Variants in DMD observed in about 807,000 individuals in gnomAD.
The protein encoded by DMD is dystrophin, also known as mutant dystrophin.
Under a neutral mutation model 330.1 loss-of-function variants are expected in DMD, and 63 were observed. The ratio of observed to expected loss-of-function variants is 0.19; its 90% CI spans 0.16 to 0.24. The LOEUF (loss-of-function observed/expected upper bound fraction) is 0.24. Ranked by LOEUF, DMD falls within the 10% of genes least tolerant of loss-of-function variation. DMD has a pLI of 1.00. For synonymous variants in DMD, 1,223 were observed against 959.8 expected, an observed-to-expected ratio of 1.27 and a Z score of -5.07; for missense variants, 3,344 against 2,684.1, an observed-to-expected ratio of 1.25 and a Z score of -5.43.
intron 63 of DMD, among the ~76,000 whole-genome samples, chrX:31,227,495 C>G (rs1178190199): frequency 8.9e-6 from 1 of 111,943 alleles, no homozygotes; most frequent in Admixed American, 9.5e-5. Context: ...AATCCATTCT[C>G]AAACAGTGAT....
intron 17 of DMD, among the ~76,000 whole-genome samples, chrX:32,531,837 C>T (rs778237167): frequency 2.4e-4 from 27 of 111,305 alleles, no homozygotes; most frequent in South Asian, 7.5e-4. Context: ...GTTTTGACTA[C>T]GCTATCTTGG....
In DMD at chrX:31,845,375, G is replaced by GTCTCTCTCTCTCTCTCTCTCTC. The variant is rs535397626; in HGVS notation, c.7099-8578_7099-8557dup. Among the ~76,000 whole-genome samples, 19 of 60,115 alleles carry GTCTCTCTCTCTCTCTCTCTCTC rather than the reference G, an allele frequency of 3.2e-4. 2 individuals carry two copies. Among genetic ancestry groups the GTCTCTCTCTCTCTCTCTCTCTC allele is most frequent in the Admixed American group, 5.3e-4 (2 of 3,786 alleles). 52.2% of individuals were successfully genotyped at this position (60,115 alleles called of 115,157 possible). Reference sequence around the variant, plus strand: ...CAGGTGTTATAGAGGACAGAATAAAGTCTCTCTCTCTCTCTCTCTCTCTCT... The same window carrying GTCTCTCTCTCTCTCTCTCTCTC: ...CAGGTGTTATAGAGGACAGAATAAAGTCTCTCTCTCTCTCTCTCTCTCTCTCTCTCTCTCTCTCTCTCTCTCT... On this transcript the variant is annotated intron_variant, in intron 48 of 78. Coordinates refer to ENST00000357033, the MANE Select transcript of DMD (RefSeq NM_004006.3).
chrX:33,029,749 C>T (rs749069549), intron 1 of DMD, among the ~76,000 whole-genome samples: 2 of 111,914 alleles, frequency 1.8e-5, no homozygotes, highest in African/African-American at 3.2e-5. Flanking sequence ...AAGAATTAAT[C>T]GAAGTTGCAT....
chrX:31,570,776 T>C (rs575383886), intron 55 of DMD, among the ~76,000 whole-genome samples: 54 of 111,899 alleles, frequency 4.8e-4, no homozygotes, highest in African/African-American at 1.6e-3. Context: ...CATATATTTC[T>C]ATGGATACAA....
At chrX:32,732,575 C>T (rs187577296) in intron 7 of DMD, among the ~76,000 whole-genome samples, 1 of 111,337 alleles carries the variant, frequency 9.0e-6, no homozygotes, top group South Asian at 3.8e-4. Flanking sequence ...CGGCAGACAC[C>T]CTACAAGCCA....
chrX:31,786,408 TAA>T (rs1319660893), intron 50 of DMD, among the ~76,000 whole-genome samples: 1 of 111,902 alleles, frequency 8.9e-6, no homozygotes, highest in Non-Finnish European at 1.9e-5. Context: ...TAAGGAGATT[TAA>T]AAGAGATTTT....
At chrX:32,511,401 A>T (rs182833949) in intron 18 of DMD, among the ~76,000 whole-genome samples, 7 of 107,906 alleles carry the variant, frequency 6.5e-5, no homozygotes, top group Non-Finnish European at 1.3e-4. Context: ...ACGTGCCTGT[A>T]GTCCCAGCTA....
intron 55 of DMD, among the ~76,000 whole-genome samples, chrX:31,585,076 C>A (rs2076526248): frequency 9.1e-6 from 1 of 110,331 alleles, no homozygotes; most frequent in African/African-American, 3.3e-5. Context: ...AATCCCAGCA[C>A]TTTGGGAGGC....
chrX:32,767,597 G>T (rs1206212870), intron 7 of DMD, among the ~76,000 whole-genome samples: 1 of 111,529 alleles, frequency 9.0e-6, no homozygotes, highest in African/African-American at 3.2e-5. Context: ...TTGTAATGAG[G>T]TGGGTTTTTT....
chrX:32,757,614 A>C (rs2071668871), intron 7 of DMD, among the ~76,000 whole-genome samples: 1 of 110,635 alleles, frequency 9.0e-6, no homozygotes, highest in African/African-American at 3.3e-5. Context: ...TTATACAAGA[A>C]AGTTTCCCGG....
chrX:33,065,417 T>G (rs2094638850), intron 1 of DMD, among the ~76,000 whole-genome samples: 2 of 112,618 alleles, frequency 1.8e-5, no homozygotes, highest in Admixed American at 1.9e-4. Flanking sequence ...GAAACAATTA[T>G]CAGTTTGATT....
At chrX:32,571,746 T>C (rs1241405956) in intron 15 of DMD, among the ~76,000 whole-genome samples, 1 of 111,794 alleles carries the variant, frequency 8.9e-6, no homozygotes, top group East Asian at 2.8e-4. Flanking sequence ...TCCTCTTCTA[T>C]TCTCCTGTTA....
At chrX:31,951,134 T>C (rs868631496) in intron 45 of DMD, among the ~76,000 whole-genome samples, 5 of 75,887 alleles carry the variant, frequency 6.6e-5, no homozygotes, top group South Asian at 5.0e-4. Flanking sequence ...TATATATATA[T>C]ATATATGTGT....
intron 1 of DMD, among the ~76,000 whole-genome samples, chrX:33,322,428 C>T (rs1252105444): frequency 9.0e-6 from 1 of 110,633 alleles, no homozygotes; most frequent in East Asian, 2.9e-4. Flanking sequence ...TCAGAACACA[C>T]ACAACATTGA....
intron 9 of DMD, among the ~76,000 whole-genome samples, chrX:32,688,104 G>A (rs973241715): frequency 1.8e-5 from 2 of 111,587 alleles, no homozygotes; most frequent in African/African-American, 6.5e-5. Context: ...CAAATAAGCC[G>A]CCCTGACCTG....
intron 2 of DMD, among the ~76,000 whole-genome samples, chrX:32,949,340 AGG>A (rs2091053826): frequency 2.6e-5 from 2 of 78,367 alleles, no homozygotes; most frequent in South Asian, 1.5e-3. Flanking sequence ...GTAGGTAGGT[AGG>A]TAGATAGATA....
At position 32,463,721 on chromosome X, in the gene DMD, T is replaced by A. The variant is rs183132338; in HGVS notation, c.3277-127A>T. 90 of 576,521 alleles carry A rather than the reference T, an allele frequency of 1.6e-4. No individual in the cohort carries two copies. In the East Asian group the frequency reaches 3.3e-3, roughly 21 times the overall value. 47.5% of individuals were successfully genotyped at this position (576,521 alleles called of 1,213,427 possible). ...ATATGGATTTTTGTCTTTTAAAATCTGAGATACAGAGATATTGATATAGAT... is the reference window on the plus strand; with the variant it reads ...ATATGGATTTTTGTCTTTTAAAATCAGAGATACAGAGATATTGATATAGAT... On this transcript the variant is annotated intron_variant, in intron 24 of 78. Transcript: ENST00000357033.
intron 33 of DMD, among the ~76,000 whole-genome samples, chrX:32,385,233 A>T (rs1222565621): frequency 9.0e-6 from 1 of 110,942 alleles, no homozygotes; most frequent in Non-Finnish European, 1.9e-5. Flanking sequence ...AACAGAATAG[A>T]GAGCCCAATA....
chrX:33,142,222 A>C (rs2148589901), intron 1 of DMD, among the ~76,000 whole-genome samples: 1 of 112,050 alleles, frequency 8.9e-6, no homozygotes, highest in South Asian at 3.7e-4. Flanking sequence ...AGTAGCTGGG[A>C]TTACAGGCAT....
Sources: allele counts gnomAD v4.1 joint callset (sites outside exome capture counted in the v4.1 genomes callset), GRCh38; gene constraint gnomAD v4.1.1; transcripts MANE v1.5; gene names NCBI Gene and HGNC (gene_info 2026-07-23, HGNC 2026-07-21).